Variants in NID1 observed in about 807,000 individuals in gnomAD.
NID1 encodes the protein nidogen 1, also known as nidogen-1.
Under a neutral mutation model 130.6 loss-of-function variants are expected in NID1, and 76 were observed. The observed-to-expected ratio is 0.58, with a 90% CI of 0.48 to 0.70. The LOEUF is 0.70. Among genes scored for constraint, NID1 ranks in the 30% least tolerant of loss-of-function variants. The probability of loss-of-function intolerance (pLI) is 0.00; values close to 1 mark genes in which losing one functional copy is unlikely to be tolerated. For missense variants in NID1, 1,517 were observed against 1,664.8 expected (o/e 0.91, Z 1.54); for synonymous variants, 665 against 675.1 (o/e 0.98, Z 0.23).
intron 5 of NID1, among the ~76,000 whole-genome samples, chr1:236,035,127 G>A (rs12722993): frequency 1.3e-4 from 16 of 127,162 alleles, no homozygotes; most frequent in Admixed American, 2.3e-4. Flanking sequence ...ATATCTCCCA[G>A]TGCTATCCCT....
chr1:236,017,258 G>A lies in NID1; in HGVS notation c.2144C>T (p.Ser715Leu), dbSNP rs1449060765. Residue 715 changes from serine to leucine, a missense_variant, in exon 10 of 20, where the codon TCA becomes TTA. Ser to Leu is a moderately radical substitution (Grantham distance 145). Around this residue, in one of 3 missense-constraint regions of NID1, gnomAD observed 1,329 missense variants for 1,429.2 expected, o/e 0.93. Coordinates refer to ENST00000264187, the MANE Select transcript of NID1 (RefSeq NM_002508.3). ...GCTCCCACACACTGAGGGTTGTTCTGAACATTCATCAATATCTGCAGCAAA... is the reference window on the plus strand; with the variant it reads ...GCTCCCACACACTGAGGGTTGTTCTAAACATTCATCAATATCTGCAGCAAA... The part of the protein sequence containing the change: ...GRTCYDIDEC[S>L]EQPSVCGSHT... 1.2e-6 allele frequency: 2 copies of A among 1,613,882 alleles called. No homozygotes were observed. The highest frequency in any genetic ancestry group is 1.7e-6 in the Non-Finnish European group (2 of 1,179,930).
At chr1:236,024,255 G>A (rs1658859588) in intron 8 of NID1, 42 bp from the exon 9 acceptor site, 1 of 1,605,688 alleles carries the variant, frequency 6.2e-7, no homozygotes, top group South Asian at 1.1e-5. Flanking sequence ...GTCTTCAGGA[G>A]CTCTTGCAGG....
At chr1:236,022,425 A>G (rs1438765112) in intron 9 of NID1, among the ~76,000 whole-genome samples, 1 of 140,744 alleles carries the variant, frequency 7.1e-6, no homozygotes, top group Non-Finnish European at 1.5e-5. Flanking sequence ...TGAAATCTCT[A>G]CCTCCCAGGC....
Position 236,026,083 on chromosome 1 carries a change from T to C in NID1, c.1797A>G (p.Ala599=), listed in dbSNP as rs1419468533. The C allele has an allele frequency of 5.6e-6, 9 of 1,613,082 alleles. No individual in the cohort carries two copies. The highest frequency in any genetic ancestry group is 7.6e-6 in the Non-Finnish European group (9 of 1,179,820). Residue 599 remains alanine, a synonymous_variant, in exon 8 of 20, where the codon GCA becomes GCG. Transcript: ENST00000264187. ...GGTAAGTGTAGATGCGTGAAGGAGA[T>C]GCCCCATCTCGCTCGGGCTCAGTCA... ...YTVTEPERDG[A]SPSRIYTYQW... is the part of the protein sequence containing the mutation.
intron 5 of NID1, among the ~76,000 whole-genome samples, chr1:236,033,154 A>C (rs1659151874): frequency 6.6e-6 from 1 of 152,188 alleles, no homozygotes; most frequent in African/African-American, 2.4e-5. Context: ...CTAAAAATAA[A>C]AAAATTAGCT....
At chr1:236,017,093 A>G (rs1288187782) in intron 10 of NID1, 55 bp downstream of exon 10, 2 of 1,607,670 alleles carry the variant, frequency 1.2e-6, no homozygotes, top group South Asian at 1.1e-5. Context: ...CTTTTGCATA[A>G]GAGCTAATGC....
At chr1:236,003,139 T>C (rs1284738112) in intron 12 of NID1, among the ~76,000 whole-genome samples, 1 of 151,806 alleles carries the variant, frequency 6.6e-6, no homozygotes, top group Non-Finnish European at 1.5e-5. Context: ...CGACTGGTAG[T>C]TGTCACTCCT....
chr1:236,022,584 C>T (rs1192818822), intron 9 of NID1, among the ~76,000 whole-genome samples: 2 of 151,246 alleles, frequency 1.3e-5, no homozygotes, highest in Non-Finnish European at 2.9e-5. Context: ...ATGATCCATC[C>T]ACCTCGGCCT....
At chr1:235,997,442 T>C (rs1005518983) in intron 12 of NID1, among the ~76,000 whole-genome samples, 2 of 152,200 alleles carry the variant, frequency 1.3e-5, no homozygotes, top group Non-Finnish European at 2.9e-5. Context: ...AGGGGAAATA[T>C]GTACTTATTT....
At chr1:236,051,263 G>GCCCCTC (rs1659757009) in intron 1 of NID1, among the ~76,000 whole-genome samples, 1 of 62,212 alleles carries the variant, frequency 1.6e-5, no homozygotes, top group Non-Finnish European at 3.4e-5. Context: ...CCCTCCCCCT[G>GCCCCTC]CCCCTCCCCC....
Position 236,020,049 on chromosome 1 carries a change from AAAAAAAAAAC to A in NID1, c.2129-2786_2129-2777del, listed in dbSNP as rs1199542383. On this transcript the variant is annotated intron_variant, in intron 9 of 19. Transcript: ENST00000264187. ...AAGACTCTGCCTTAAAAAAAAAAAAAAAAAAAAAACAAAAACAAACTTCTTTTCTATAAAT... is the reference window on the plus strand; with the variant it reads ...AAGACTCTGCCTTAAAAAAAAAAAAAAAAAACAAACTTCTTTTCTATAAAT... Among the ~76,000 whole-genome samples the A allele has an allele frequency of 4.2e-3, 579 of 136,896 alleles. 4 individuals carry two copies. Among genetic ancestry groups the A allele is most frequent in the African/African-American group, 0.014 (522 of 37,420 alleles). The allele number at this position is 136,896 out of a possible 152,430, so 89.8% of individuals were successfully genotyped here. A position where few individuals can be genotyped will look rare whatever the true frequency, so the allele number is the denominator to read the frequency against.
intron 9 of NID1, among the ~76,000 whole-genome samples, chr1:236,021,661 T>C (rs1658769273): frequency 6.6e-6 from 1 of 152,108 alleles, no homozygotes; most frequent in Admixed American, 6.5e-5. Context: ...AGCTGTTCAT[T>C]TTCCTGGCCA....
intron 1 of NID1, among the ~76,000 whole-genome samples, chr1:236,061,271 G>C (rs991365306): frequency 6.6e-6 from 1 of 152,134 alleles, no homozygotes; most frequent in Non-Finnish European, 1.5e-5. Context: ...AGGCCAAAAT[G>C]AGTGTCACCC....
intron 6 of NID1, among the ~76,000 whole-genome samples, chr1:236,031,209 C>G (rs1001517228): frequency 1.3e-5 from 2 of 152,114 alleles, no homozygotes; most frequent in Middle Eastern, 3.2e-3. Context: ...ACCTCCGCCT[C>G]CTGGGTTCAC....
At chr1:236,054,371 G>C (rs12037143) in intron 1 of NID1, among the ~76,000 whole-genome samples, 28,988 of 151,856 alleles carry the variant, frequency 0.19, 2,920 homozygotes, top group East Asian at 0.33. Context: ...CAGGAGAATC[G>C]CTTGAACCTG....
At chr1:236,049,497 A>T (rs544417921) in intron 1 of NID1, among the ~76,000 whole-genome samples, 1 of 152,212 alleles carries the variant, frequency 6.6e-6, no homozygotes, top group East Asian at 1.9e-4. Flanking sequence ...AAAAAGAAAG[A>T]AAAGAAAAAT....
chr1:236,026,182 AG>A, intron 7 of NID1, 41 bp from the exon 8 acceptor site: 1 of 1,605,976 alleles, frequency 6.2e-7, no homozygotes, highest in Non-Finnish European at 8.5e-7. Flanking sequence ...GCAGGGAGAC[AG>A]AGGGAAGATG....
intron 12 of NID1, among the ~76,000 whole-genome samples, chr1:235,999,549 G>T (rs1033943305): frequency 4.6e-5 from 7 of 151,930 alleles, no homozygotes; most frequent in Non-Finnish European, 8.8e-5. Flanking sequence ...ATGGGGTGGG[G>T]GTAGTGGGGA....
chr1:235,997,329 C>T (rs1657956683), intron 12 of NID1, among the ~76,000 whole-genome samples: 1 of 152,140 alleles, frequency 6.6e-6, no homozygotes, highest in Non-Finnish European at 1.5e-5. Flanking sequence ...ATGAGTGTGG[C>T]TTTCCCAATA....
Sources: gnomAD v4.1 joint callset for allele counts (sites outside exome capture counted in the v4.1 genomes callset) on GRCh38, gnomAD v4.1.1 for gene constraint, gnomAD v4.1.1 regional missense constraint, MANE v1.5 for transcripts, NCBI Gene and HGNC (gene_info 2026-07-23, HGNC 2026-07-21) for gene names.